The following HPSE2 variants were observed in gnomAD, a reference collection of about 807,000 sequenced individuals.
HPSE2 encodes inactive heparanase-2.
In HPSE2, 38 loss-of-function variants were observed where a neutral mutation model predicts 60.5. That is an observed-to-expected ratio of 0.63 (90% CI 0.48 to 0.82). The LOEUF is 0.82. Ranked by LOEUF, HPSE2 falls within the 40% of genes least tolerant of loss-of-function variation. The probability of loss-of-function intolerance (pLI) is 0.00; values close to 1 mark genes in which losing one functional copy is unlikely to be tolerated. For synonymous variants in HPSE2, 295 were observed against 293.2 expected (o/e 1.01, Z -0.06); for missense variants, 713 against 740.4 (o/e 0.96, Z 0.43).
Position 99,033,987 on chromosome 10 carries a change from T to C in HPSE2, c.610+110251A>G, listed in dbSNP as rs11817035. On this transcript the variant is annotated intron_variant, in intron 3 of 11. Transcript: ENST00000370552. ...GCACTCCAAAGTAGAGTGAATCAAA[T>C]GCAAGTGAAGTTTTAACATGCTCAC... Among the ~76,000 whole-genome samples, 1,248 of 152,288 alleles carry C rather than the reference T, an allele frequency of 8.2e-3. 16 individuals are homozygous for C. Among genetic ancestry groups the C allele is most frequent in the African/African-American group, 0.029 (1,197 of 41,550 alleles).
chr10:99,150,162 T>G (rs1411524147), intron 2 of HPSE2, among the ~76,000 whole-genome samples: 2 of 152,168 alleles, frequency 1.3e-5, no homozygotes. Context: ...TAGAATCAAT[T>G]TATTGTCTAT....
intron 3 of HPSE2, among the ~76,000 whole-genome samples, chr10:99,031,879 G>A (rs1048297260): frequency 4.6e-5 from 7 of 152,172 alleles, no homozygotes; most frequent in African/African-American, 1.2e-4. Context: ...CACTTTTTAC[G>A]TTTATATAGA....
intron 3 of HPSE2, among the ~76,000 whole-genome samples, chr10:98,804,401 C>A (rs1359734019): frequency 6.6e-6 from 1 of 151,302 alleles, no homozygotes; most frequent in Non-Finnish European, 1.5e-5. Context: ...AATTAATAAC[C>A]AAACTATATA....
chr10:99,133,363 C>G (rs952540386), intron 3 of HPSE2, among the ~76,000 whole-genome samples: 1 of 152,356 alleles, frequency 6.6e-6, no homozygotes, highest in Middle Eastern at 3.4e-3. Context: ...AGCAGCAGAC[C>G]TCCCAGCACA....
rs547244376 is a variant in HPSE2 at position 99,059,867 on chromosome 10, G to C, written c.610+84371C>G. ...TTAAAAAATGTACAGTCTAGTTGTA[G>C]AAGCATAAAAGACATACAAAAGAGT... On this transcript the variant is annotated intron_variant, in intron 3 of 11. Coordinates refer to ENST00000370552, the MANE Select transcript of HPSE2 (RefSeq NM_021828.5). 5.9e-5 allele frequency among the ~76,000 whole-genome samples: 9 copies of C among 152,132 alleles called. No homozygotes were observed. The South Asian group carries it at 1.9e-3, about 32-fold the overall frequency.
intron 3 of HPSE2, among the ~76,000 whole-genome samples, chr10:99,102,359 C>T (rs187953900): frequency 7.9e-5 from 12 of 152,086 alleles, no homozygotes; most frequent in Non-Finnish European, 1.6e-4. Flanking sequence ...AACACCTCTA[C>T]GGAAATAAAC....
At chr10:98,476,319 G>A (rs1242055239) in intron 11 of HPSE2, among the ~76,000 whole-genome samples, 1 of 122,590 alleles carries the variant, frequency 8.2e-6, no homozygotes, top group Admixed American at 9.4e-5. Context: ...TCTGGGGACT[G>A]TTGTGGGGTG....
At chr10:98,779,804 A>G (rs143686386) in intron 3 of HPSE2, among the ~76,000 whole-genome samples, 5 of 152,272 alleles carry the variant, frequency 3.3e-5, no homozygotes, top group African/African-American at 1.2e-4. Flanking sequence ...CTCACAAACT[A>G]GAAACCAGAC....
At chr10:98,827,799 G>T (rs1410990750) in intron 3 of HPSE2, among the ~76,000 whole-genome samples, 1 of 152,196 alleles carries the variant, frequency 6.6e-6, no homozygotes, top group Non-Finnish European at 1.5e-5. Flanking sequence ...ATTACCATGT[G>T]ATAGCTAATT....
chr10:99,233,659 G>C (rs917738436), intron 1 of HPSE2, among the ~76,000 whole-genome samples: 5 of 152,184 alleles, frequency 3.3e-5, no homozygotes, highest in African/African-American at 4.8e-5. Flanking sequence ...AAAGGAGGTG[G>C]ATACGAGAAA....
chr10:98,789,622 G>A (rs1422190839), intron 3 of HPSE2, among the ~76,000 whole-genome samples: 2 of 152,182 alleles, frequency 1.3e-5, no homozygotes, highest in African/African-American at 2.4e-5. Context: ...GTCTTGAGTA[G>A]GGCTGACCTT....
chr10:98,676,038 G>GA (rs35701823), intron 6 of HPSE2, among the ~76,000 whole-genome samples: 39 of 139,316 alleles, frequency 2.8e-4, no homozygotes, highest in Admixed American at 4.9e-4. Flanking sequence ...CTGCCTCAAA[G>GA]AAAAAAAAAA....
intron 3 of HPSE2, among the ~76,000 whole-genome samples, chr10:99,068,848 G>A (rs926937627): frequency 2.0e-5 from 3 of 152,074 alleles, no homozygotes; most frequent in Non-Finnish European, 4.4e-5. Context: ...ACAAATTTAT[G>A]CCAATAAATT....
intron 3 of HPSE2, among the ~76,000 whole-genome samples, chr10:99,087,189 T>G (rs185479039): frequency 1.3e-5 from 2 of 152,244 alleles, no homozygotes; most frequent in Admixed American, 1.3e-4. Context: ...AAAAGCATAT[T>G]TGCAGATCAT....
At chr10:98,777,907 G>A (rs1470204248) in intron 3 of HPSE2, among the ~76,000 whole-genome samples, 1 of 152,068 alleles carries the variant, frequency 6.6e-6, no homozygotes, top group Non-Finnish European at 1.5e-5. Context: ...ACATGATGTG[G>A]TCCTTCATGG....
intron 2 of HPSE2, among the ~76,000 whole-genome samples, chr10:99,200,418 G>T (rs981491834): frequency 1.5e-4 from 23 of 152,046 alleles, no homozygotes; most frequent in Admixed American, 2.6e-4. Flanking sequence ...AGAGGTACCT[G>T]GAAGTGTTTT....
chr10:98,537,676 G>A (rs546422352), intron 9 of HPSE2, among the ~76,000 whole-genome samples: 2 of 152,264 alleles, frequency 1.3e-5, no homozygotes, highest in Admixed American at 1.3e-4. Flanking sequence ...AAGCGGTAAC[G>A]CCAGTGTCTG....
At chr10:99,283,298 A>G in the HPSE2 span, among the ~76,000 whole-genome samples, 6 of 151,984 alleles carry the variant, frequency 3.9e-5, no homozygotes, top group African/African-American at 1.4e-4. Context: ...ATCAGAAGGG[A>G]GAAAATAATA....
chr10:99,105,073 A>G (rs951284408), intron 3 of HPSE2, among the ~76,000 whole-genome samples: 35 of 151,806 alleles, frequency 2.3e-4, no homozygotes, highest in Admixed American at 2.1e-3. Flanking sequence ...AAAAAAAAAA[A>G]AAAGAAAAGC....
Sources: allele counts gnomAD v4.1 joint callset (sites outside exome capture counted in the v4.1 genomes callset), GRCh38; gene constraint gnomAD v4.1.1; transcripts MANE v1.5; gene names NCBI Gene and HGNC (gene_info 2026-07-23, HGNC 2026-07-21).